Variants in GRIK1 observed in about 807,000 individuals in gnomAD.
GRIK1 encodes glutamate receptor ionotropic, kainate 1.
GRIK1 carries 69 observed loss-of-function variants against 105.7 expected under a neutral mutation model. The ratio of observed to expected loss-of-function variants is 0.65; its 90% CI spans 0.54 to 0.80. The LOEUF is 0.80. GRIK1 is among the 30% of genes least tolerant of loss of function. GRIK1 has a pLI of 0.00. For synonymous variants in GRIK1, 438 were observed against 431.3 expected (o/e 1.02, Z -0.19); for missense variants, 1,109 against 1,167.3 (o/e 0.95, Z 0.73).
At chr21:29,787,649 T>TG (rs1335600505) in intron 1 of GRIK1, among the ~76,000 whole-genome samples, 1 of 152,230 alleles carries the variant, frequency 6.6e-6, no homozygotes, top group Non-Finnish European at 1.5e-5. Context: ...TTCCTCCTTT[T>TG]GGATTTTCCA....
chr21:29,733,221 C>A (rs2064686099), intron 1 of GRIK1, among the ~76,000 whole-genome samples: 1 of 151,936 alleles, frequency 6.6e-6, no homozygotes, highest in Non-Finnish European at 1.5e-5. Flanking sequence ...CATAGGAGAG[C>A]CTTATCCAGA....
chr21:29,778,802 A>G (rs902719979), intron 1 of GRIK1, among the ~76,000 whole-genome samples: 7 of 152,196 alleles, frequency 4.6e-5, no homozygotes, highest in Admixed American at 2.0e-4. Context: ...CTTGACCCAG[A>G]GTCCCAACTT....
chr21:29,633,979 T>C (rs2062341206), intron 7 of GRIK1, among the ~76,000 whole-genome samples: 1 of 152,206 alleles, frequency 6.6e-6, no homozygotes, highest in Non-Finnish European at 1.5e-5. Context: ...TCAAATGGCA[T>C]GCATTAATGG....
At chr21:29,736,103 C>T (rs13047149) in intron 1 of GRIK1, among the ~76,000 whole-genome samples, 1 of 152,132 alleles carries the variant, frequency 6.6e-6, no homozygotes, top group Non-Finnish European at 1.5e-5. Context: ...CAGCCTATTT[C>T]CTTTAGGCCT....
At chr21:29,563,251 A>G (rs951980116) in intron 14 of GRIK1, among the ~76,000 whole-genome samples, 2 of 152,106 alleles carry the variant, frequency 1.3e-5, no homozygotes, top group Non-Finnish European at 2.9e-5. Flanking sequence ...AGTCAACTCT[A>G]TCACGGTTAT....
chr21:29,656,821 C>T (rs2062863587), intron 4 of GRIK1, among the ~76,000 whole-genome samples: 1 of 152,200 alleles, frequency 6.6e-6, no homozygotes, highest in Non-Finnish European at 1.5e-5. Flanking sequence ...CACTTCTCAA[C>T]AACGTCTCTA....
At chr21:29,872,517 G>A (rs906247140) in intron 1 of GRIK1, among the ~76,000 whole-genome samples, 15 of 152,036 alleles carry the variant, frequency 9.9e-5, no homozygotes, top group African/African-American at 2.9e-4. Flanking sequence ...ACTCAAAGTC[G>A]CCTCAGCCTG....
intron 14 of GRIK1, among the ~76,000 whole-genome samples, chr21:29,573,985 G>T (rs1008410389): frequency 1.3e-5 from 2 of 152,102 alleles, no homozygotes; most frequent in South Asian, 4.1e-4. Context: ...CATGTGGAAA[G>T]TTCCACACTT....
chr21:29,925,556 G>C (rs1157047527), intron 1 of GRIK1, among the ~76,000 whole-genome samples: 1 of 152,184 alleles, frequency 6.6e-6, no homozygotes, highest in Non-Finnish European at 1.5e-5. Context: ...AGTCTGAAGG[G>C]AGAAGAAAAG....
At chr21:29,854,659 A>G (rs1372681036) in intron 1 of GRIK1, among the ~76,000 whole-genome samples, 1 of 152,162 alleles carries the variant, frequency 6.6e-6, no homozygotes, top group African/African-American at 2.4e-5. Context: ...AGGAAATATC[A>G]TATATAAAAT....
At chr21:29,802,467 C>CA (rs1250011639) in intron 1 of GRIK1, among the ~76,000 whole-genome samples, 14 of 151,652 alleles carry the variant, frequency 9.2e-5, no homozygotes, top group African/African-American at 3.1e-4. Context: ...AACTTATTTT[C>CA]AAAAAAAATA....
At chr21:29,560,364 T>TTTCTTTCTTCCTTCCTTC (rs2090394173) in intron 15 of GRIK1, among the ~76,000 whole-genome samples, 4 of 35,922 alleles carry the variant, frequency 1.1e-4, no homozygotes, top group Non-Finnish European at 1.5e-4. Context: ...TCTTTTTCTT[T>TTTCTTTCTTCCTTCCTTC]CTTCCTTCCT....
intron 9 of GRIK1, among the ~76,000 whole-genome samples, chr21:29,591,915 A>C (rs1030746474): frequency 6.6e-6 from 1 of 151,990 alleles, no homozygotes; most frequent in Admixed American, 6.6e-5. Flanking sequence ...GCCAGGCATG[A>C]TGGTGCACGC....
intron 1 of GRIK1, chr21:29,749,021 AC>A (rs1473976777): frequency 6.6e-6 from 1 of 152,214 alleles, no homozygotes; most frequent in Non-Finnish European, 1.5e-5. Flanking sequence ...TGGAAGCTAC[AC>A]AAAGTCCTCT....
At chr21:29,647,708 A>T (rs1013489626) in intron 6 of GRIK1, among the ~76,000 whole-genome samples, 1 of 152,244 alleles carries the variant, frequency 6.6e-6, no homozygotes, top group Non-Finnish European at 1.5e-5. Context: ...AAAAGCTGAA[A>T]GGTCGAATCA....
chr21:29,571,861 C>A (rs8130128), intron 14 of GRIK1, among the ~76,000 whole-genome samples: 1,664 of 152,266 alleles, frequency 0.011, 35 homozygotes, highest in African/African-American at 0.038. Context: ...GATGAGAAAA[C>A]GTTTCTCATT....
chr21:29,904,865 CTGGGGAGGGTATCTCAAAATT>C (rs1200232253), intron 1 of GRIK1, among the ~76,000 whole-genome samples: 3 of 152,168 alleles, frequency 2.0e-5, no homozygotes, highest in Admixed American at 6.5e-5. Flanking sequence ...AGGCCCTTCT[CTGGGGAGGGTATCTCAAAATT>C]CCTCCTGCCT....
At chr21:29,732,833 T>C (rs114986538) in intron 1 of GRIK1, among the ~76,000 whole-genome samples, 2,440 of 152,268 alleles carry the variant, frequency 0.016, 68 homozygotes, top group African/African-American at 0.056. Context: ...TACATCCTAG[T>C]TCTGTGTGAC....
At chr21:29,652,546 C>G (rs775019393) in intron 5 of GRIK1, among the ~76,000 whole-genome samples, 4 of 152,176 alleles carry the variant, frequency 2.6e-5, no homozygotes, top group Non-Finnish European at 5.9e-5. Context: ...AAAAGTTGAA[C>G]TCATCCTGGT....
Sources: gnomAD v4.1 joint callset for allele counts (sites outside exome capture counted in the v4.1 genomes callset) on GRCh38, gnomAD v4.1.1 for gene constraint, MANE v1.5 for transcripts, NCBI Gene and HGNC (gene_info 2026-07-23, HGNC 2026-07-21) for gene names.